RIN3: variants seen among roughly 807,000 people sequenced by gnomAD.
RIN3 encodes Ras and Rab interactor 3.
In RIN3, 54 loss-of-function variants were observed where a neutral mutation model predicts 76.3. That is an observed-to-expected ratio of 0.71 (90% CI 0.57 to 0.89). The LOEUF (loss-of-function observed/expected upper bound fraction) is 0.89, where lower values mean the gene tolerates loss of function less well. Ranked by LOEUF, RIN3 falls within the 40% of genes least tolerant of loss-of-function variation. RIN3 has a pLI of 0.00. For synonymous variants in RIN3, 576 were observed against 564.0 expected, an observed-to-expected ratio of 1.02 and a Z score of -0.30; for missense variants, 1,256 against 1,322.1, an observed-to-expected ratio of 0.95 and a Z score of 0.78.
rs935389357 is a variant in RIN3 at position 92,550,715 on chromosome 14, G to A, written c.45-5036G>A. On this transcript the variant is annotated intron_variant, in intron 1 of 9. Coordinates refer to ENST00000216487, the MANE Select transcript of RIN3 (RefSeq NM_024832.5). ...TTGGATTACAGGCGTGAGCCACAGC[G>A]CCCAGCTTATTATGTTTTCACAGGT... Among the ~76,000 whole-genome samples the A allele has an allele frequency of 7.9e-5, 12 of 152,260 alleles. 1 individual carries two copies. The East Asian group carries it at 1.9e-3, about 24-fold the overall frequency.
intron 3 of RIN3, among the ~76,000 whole-genome samples, chr14:92,597,270 G>A (rs1290684489): frequency 3.3e-5 from 5 of 152,220 alleles, no homozygotes; most frequent in African/African-American, 9.6e-5. Context: ...GATAGGACAC[G>A]TGTAGCATAG....
At chr14:92,527,928 G>A (rs1040905557) in intron 1 of RIN3, among the ~76,000 whole-genome samples, 2 of 152,126 alleles carry the variant, frequency 1.3e-5, no homozygotes, top group African/African-American at 4.8e-5. Flanking sequence ...CCAGTTTGGG[G>A]CGATGACAAA....
intron 5 of RIN3, 117 bp downstream of exon 5, chr14:92,641,446 C>CTGGG: frequency 1.4e-6 from 1 of 705,422 alleles, no homozygotes; most frequent in Non-Finnish European, 2.5e-6. Context: ...CCCATGGGAC[C>CTGGG]ACCCACACCC....
intron 4 of RIN3, among the ~76,000 whole-genome samples, chr14:92,634,951 C>G (rs1461144927): frequency 6.6e-6 from 1 of 152,014 alleles, no homozygotes; most frequent in East Asian, 1.9e-4. Context: ...TCTAGCAGCT[C>G]CCTAGAGGAT....
At chr14:92,519,162 G>A (rs1225475587) in intron 1 of RIN3, among the ~76,000 whole-genome samples, 1 of 152,172 alleles carries the variant, frequency 6.6e-6, no homozygotes, top group Non-Finnish European at 1.5e-5. Flanking sequence ...TGGAGCTGAA[G>A]TGGCCCATGG....
At chr14:92,665,595 A>G (rs575121095) in intron 7 of RIN3, among the ~76,000 whole-genome samples, 4 of 151,710 alleles carry the variant, frequency 2.6e-5, no homozygotes, top group Admixed American at 2.6e-4. Context: ...GTTAGCCAGG[A>G]TGGTCTTGAT....
intron 7 of RIN3, among the ~76,000 whole-genome samples, chr14:92,674,946 G>GCCAT (rs1325595268): frequency 6.6e-6 from 1 of 151,318 alleles, no homozygotes; most frequent in African/African-American, 2.4e-5. Context: ...GGAAGTGCTT[G>GCCAT]CCATGAGCTG....
intron 7 of RIN3, among the ~76,000 whole-genome samples, chr14:92,664,188 C>T (rs1204595237): frequency 2.5e-4 from 38 of 152,264 alleles, no homozygotes; most frequent in East Asian, 1.9e-4. Context: ...ACCTGTTTTA[C>T]ACATGGGGTT....
At chr14:92,566,719 AAC>A (rs1897924997) in intron 2 of RIN3, among the ~76,000 whole-genome samples, 1 of 152,198 alleles carries the variant, frequency 6.6e-6, no homozygotes, top group African/African-American at 2.4e-5. Context: ...CCAAGTGGCT[AAC>A]TAAGGACTAA....
chr14:92,580,938 A>G (rs2140063967), intron 3 of RIN3, among the ~76,000 whole-genome samples: 1 of 152,388 alleles, frequency 6.6e-6, no homozygotes, highest in South Asian at 2.1e-4. Flanking sequence ...AGCCTGATCC[A>G]TGGGTAGTAA....
chr14:92,615,351 C>T, intron 3 of RIN3, 56 bp from the exon 4 acceptor site: 1 of 1,476,144 alleles, frequency 6.8e-7, no homozygotes, highest in Non-Finnish European at 9.5e-7. Context: ...CCTCCTTCCC[C>T]CATTTTCCTT....
intron 2 of RIN3, chr14:92,576,368 T>G (rs1254532719): frequency 7.8e-7 from 1 of 1,289,866 alleles, no homozygotes; most frequent in Non-Finnish European, 1.0e-6. Flanking sequence ...ATGCTGGCTC[T>G]GGGTGAGACC....
Position 92,659,244 on chromosome 14 carries a change from A to T in RIN3, c.2110A>T (p.Ser704Cys). The change falls in exon 7 of 10, where the codon AGC becomes TGC. Residue 704 changes from serine (S) to cysteine (C), a missense_variant. Coordinates refer to ENST00000216487, the MANE Select transcript of RIN3 (RefSeq NM_024832.5). The part of the protein sequence containing the change: ...AINSCLHQIH[S>C]KDGSLQQLKE... ...CAACTCATGCCTGCATCAGATCCAC[A>T]GCAAGGATGGTTCGCTGCAGCAGCT... The T allele has an allele frequency of 6.2e-7, 1 of 1,614,234 alleles. No homozygotes were observed. The highest frequency in any genetic ancestry group is 1.1e-5 in the South Asian group (1 of 91,086).
In RIN3 at chr14:92,518,456, G is replaced by A. The variant is rs540759632; in HGVS notation, c.44+4480G>A. Among the ~76,000 whole-genome samples the A allele has an allele frequency of 4.6e-5, 7 of 152,304 alleles. No homozygotes were observed. The South Asian group carries it at 1.5e-3, about 32-fold the overall frequency. On this transcript the variant is annotated intron_variant, in intron 1 of 9. Transcript: ENST00000216487. ...AAGTAGGGGGAGACCCAGGGCTTGG[G>A]GGGCTAGGAGCCCAACTCCATTCCG...
chr14:92,542,986 G>A (rs926200449), intron 1 of RIN3, among the ~76,000 whole-genome samples: 2 of 152,144 alleles, frequency 1.3e-5, no homozygotes. Flanking sequence ...TTCTTTGTGG[G>A]GTGATGAATA....
chr14:92,577,822 A>G (rs868754844), intron 3 of RIN3, among the ~76,000 whole-genome samples: 2 of 152,246 alleles, frequency 1.3e-5, no homozygotes, highest in African/African-American at 4.8e-5. Context: ...TCAGCTCAGC[A>G]CACACTCAAT....
rs770767531 is a variant in RIN3 at position 92,685,063 on chromosome 14, G to C, written c.2544G>C (p.Gln848His). 6 of 1,614,030 alleles carry C rather than the reference G, an allele frequency of 3.7e-6. No individual in the cohort carries two copies. The highest frequency in any genetic ancestry group is 1.6e-4 in the Middle Eastern group (1 of 6,062). ...ACGACAAGATCACGGTGACCCGGCA[G>C]CTGAGTGTGGAGGTGCAGGACTCCA... ...KSYDKITVTR[Q>H]LSVEVQDSIH... The change falls in exon 9 of 10, where the codon CAG (glutamine) becomes CAC (histidine). Residue 848 changes from glutamine to histidine, a missense_variant. Gln to His is a conservative substitution (Grantham distance 24). Coordinates refer to ENST00000216487, the MANE Select transcript of RIN3 (RefSeq NM_024832.5). The surrounding 1 kb of genome is among the most constrained non-coding windows in gnomAD (Gnocchi z 4.7).
rs74072438 is a variant in RIN3, at chr14:92,688,420, G to A, written c.*168G>A. The stretch of plus-strand genomic sequence containing the variant: ...TGAAAATAACATGACGCTCGTCCAA[G>A]GCCACTTCCTGAGGGCAAGTCCTAA... On this transcript the variant is annotated 3_prime_UTR_variant, in exon 10 of 10. Transcript: ENST00000216487. 2 of 651,710 alleles carry A rather than the reference G, an allele frequency of 3.1e-6. No individual in the cohort carries two copies. The highest frequency in any genetic ancestry group is 1.9e-5 in the African/African-American group (1 of 53,682). 40.4% of individuals were successfully genotyped at this position (651,710 alleles called of 1,614,324 possible). A position where few individuals can be genotyped will look rare whatever the true frequency, so the allele number is the denominator to read the frequency against.
chr14:92,536,191 G>C (rs1344939247), intron 1 of RIN3, among the ~76,000 whole-genome samples: 2 of 152,060 alleles, frequency 1.3e-5, no homozygotes, highest in African/African-American at 4.8e-5. Context: ...GTGCAGCCTG[G>C]ATCTTCTCAG....
Sources: gnomAD v4.1 joint callset for allele counts (sites outside exome capture counted in the v4.1 genomes callset) on GRCh38, gnomAD v4.1.1 for gene constraint, Gnocchi (gnomAD v3.1) non-coding constraint, MANE v1.5 for transcripts, NCBI Gene and HGNC (gene_info 2026-07-23, HGNC 2026-07-21) for gene names.